Variants in CAMTA1 observed in about 807,000 individuals in gnomAD.
CAMTA1 encodes the protein calmodulin binding transcription activator 1.
Under a neutral mutation model 170.9 loss-of-function variants are expected in CAMTA1, and 27 were observed. The observed-to-expected ratio is 0.16, with a 90% confidence interval of 0.12 to 0.22. The LOEUF (loss-of-function observed/expected upper bound fraction) is 0.22, where lower values mean the gene tolerates loss of function less well. Among genes scored for constraint, CAMTA1 ranks in the 10% least tolerant of loss-of-function variants. CAMTA1 has a pLI of 1.00. For synonymous variants in CAMTA1, 833 were observed against 891.5 expected (o/e 0.93, Z 1.17); for missense variants, 1,619 against 2,217.2 (o/e 0.73, Z 5.42).
chr1:7,284,108 G>C (rs1671903271), intron 5 of CAMTA1, among the ~76,000 whole-genome samples: 1 of 151,594 alleles, frequency 6.6e-6, no homozygotes, highest in Non-Finnish European at 1.5e-5. Flanking sequence ...TAGAAATGCT[G>C]TTTCGGTATT....
chr1:7,718,615 G>A (rs2096628854), intron 11 of CAMTA1, among the ~76,000 whole-genome samples: 1 of 147,016 alleles, frequency 6.8e-6, no homozygotes, highest in Non-Finnish European at 1.5e-5. Context: ...GGAGTGCAGT[G>A]GTGCCATCTC....
intron 8 of CAMTA1, among the ~76,000 whole-genome samples, chr1:7,662,567 G>A (rs1398826526): frequency 2.0e-5 from 3 of 152,156 alleles, no homozygotes; most frequent in Non-Finnish European, 4.4e-5. Context: ...ATATCCAATG[G>A]GAGGGAGAGA....
At chr1:7,315,167 C>T (rs940771664) in intron 5 of CAMTA1, among the ~76,000 whole-genome samples, 55 of 152,348 alleles carry the variant, frequency 3.6e-4, no homozygotes, top group African/African-American at 1.3e-3. Flanking sequence ...CAGAGCATCA[C>T]TTGGACCAGG....
chr1:7,727,362 T>C (rs1019442025), intron 11 of CAMTA1, among the ~76,000 whole-genome samples: 6 of 152,222 alleles, frequency 3.9e-5, no homozygotes, highest in African/African-American at 1.2e-4. Context: ...GATCTTGTGA[T>C]CCACCTGCCT....
chr1:7,330,233 G>T (rs959860990), intron 5 of CAMTA1, among the ~76,000 whole-genome samples: 1 of 152,184 alleles, frequency 6.6e-6, no homozygotes, highest in Non-Finnish European at 1.5e-5. Context: ...ACAGAGGTGG[G>T]AATATAGTAT....
intron 5 of CAMTA1, among the ~76,000 whole-genome samples, chr1:7,278,684 C>T (rs1447652593): frequency 6.6e-6 from 1 of 152,174 alleles, no homozygotes; most frequent in Non-Finnish European, 1.5e-5. Flanking sequence ...GTTTTCTAAT[C>T]ATCCTGATTC....
At chr1:7,721,624 C>T (rs982651876) in intron 11 of CAMTA1, among the ~76,000 whole-genome samples, 1 of 152,136 alleles carries the variant, frequency 6.6e-6, no homozygotes, top group East Asian at 1.9e-4. Context: ...ACCCTAGAAA[C>T]GTAGCCTGGG....
At chr1:7,236,190 G>A (rs1426885749) in intron 4 of CAMTA1, among the ~76,000 whole-genome samples, 1 of 152,208 alleles carries the variant, frequency 6.6e-6, no homozygotes, top group Non-Finnish European at 1.5e-5. Context: ...GTTCCTTCCT[G>A]TGAGATTCGG....
At chr1:7,612,639 G>C (rs145872357) in intron 6 of CAMTA1, among the ~76,000 whole-genome samples, 2 of 152,102 alleles carry the variant, frequency 1.3e-5, no homozygotes, top group Non-Finnish European at 2.9e-5. Context: ...TCACCACTCC[G>C]AGCTCACTGG....
At chr1:7,110,616 C>T (rs1255238644) in intron 4 of CAMTA1, among the ~76,000 whole-genome samples, 3 of 152,202 alleles carry the variant, frequency 2.0e-5, no homozygotes, top group South Asian at 2.1e-4. Flanking sequence ...TCTTTACAGA[C>T]AGCTGCTGCT....
chr1:7,560,307 C>G (rs2094939151), intron 6 of CAMTA1, among the ~76,000 whole-genome samples: 2 of 152,242 alleles, frequency 1.3e-5, no homozygotes, highest in Admixed American at 1.3e-4. Flanking sequence ...TCGCTTGTGT[C>G]CCCTGAGGCA....
intron 4 of CAMTA1, among the ~76,000 whole-genome samples, chr1:7,118,258 G>A (rs1644449358): frequency 6.6e-6 from 1 of 151,778 alleles, no homozygotes; most frequent in South Asian, 2.1e-4. Flanking sequence ...GGAGTGGCAG[G>A]GGTCAGAGTG....
intron 5 of CAMTA1, among the ~76,000 whole-genome samples, chr1:7,255,827 C>T (rs1215413033): frequency 1.3e-5 from 2 of 152,168 alleles, no homozygotes; most frequent in African/African-American, 4.8e-5. Flanking sequence ...TCACCCCAAC[C>T]CTGTGATTCA....
chr1:7,103,644 CACA>C (rs1273791748), intron 4 of CAMTA1, among the ~76,000 whole-genome samples: 2 of 146,062 alleles, frequency 1.4e-5, no homozygotes, highest in Non-Finnish European at 3.0e-5. Context: ...CACACGCACA[CACA>C]ACACAACACA....
chr1:7,368,400 C>G (rs1415387139), intron 5 of CAMTA1, among the ~76,000 whole-genome samples: 1 of 148,466 alleles, frequency 6.7e-6, no homozygotes, highest in Non-Finnish European at 1.5e-5. Flanking sequence ...CCTGGGCACT[C>G]ATGCTTTCAT....
chr1:6,846,201 A>G (rs376506315), intron 3 of CAMTA1, among the ~76,000 whole-genome samples: 2 of 152,218 alleles, frequency 1.3e-5, no homozygotes, highest in Non-Finnish European at 1.5e-5. Flanking sequence ...ACTTTTCACC[A>G]TGTATATTTG....
At position 7,580,414 on chromosome 1, in the gene CAMTA1, G is replaced by A. The variant is rs544974848; in HGVS notation, c.511-59986G>A. Among the ~76,000 whole-genome samples the A allele has an allele frequency of 4.1e-4, 62 of 152,222 alleles. No homozygotes were observed. The South Asian group carries it at 0.011, about 27-fold the overall frequency. On this transcript the variant is annotated intron_variant, in intron 6 of 22. Coordinates refer to ENST00000303635, the MANE Select transcript of CAMTA1 (RefSeq NM_015215.4). This position sits in a 1 kb window ranked among gnomAD's most constrained non-coding sequence, Gnocchi z 4.3. ...TGAAGCAGGTCTGGGGGAGAGGAAG[G>A]AAGACAGGTGAGGGGGCTGATGGGA...
Position 7,455,634 on chromosome 1 carries a change from G to A in CAMTA1, c.439-12196G>A, listed in dbSNP as rs1038894446. Among the ~76,000 whole-genome samples, 1 of 152,240 alleles carries A rather than the reference G, an allele frequency of 6.6e-6. No individual in the cohort carries two copies. The highest frequency in any genetic ancestry group is 1.5e-5 in the Non-Finnish European group (1 of 68,046). ...GCCACATGCAGCCGCACATGTTGGAGTGTGCCGTGGATACCTACGTGGCGT... is the reference window on the plus strand; with the variant it reads ...GCCACATGCAGCCGCACATGTTGGAATGTGCCGTGGATACCTACGTGGCGT... On this transcript the variant is annotated intron_variant, in intron 5 of 22. Transcript: ENST00000303635. This position sits in a 1 kb window ranked among gnomAD's most constrained non-coding sequence, Gnocchi z 5.0.
intron 6 of CAMTA1, among the ~76,000 whole-genome samples, chr1:7,481,648 C>T (rs1233031538): frequency 2.6e-5 from 4 of 152,290 alleles, no homozygotes; most frequent in East Asian, 1.9e-4. Flanking sequence ...CAGATTCTGC[C>T]GTTAACATTT....
Sources: allele counts gnomAD v4.1 joint callset (sites outside exome capture counted in the v4.1 genomes callset), GRCh38; gene constraint gnomAD v4.1.1; non-coding constraint Gnocchi (gnomAD v3.1); transcripts MANE v1.5; gene names NCBI Gene and HGNC (gene_info 2026-07-23, HGNC 2026-07-21).